ATG5: variants seen among roughly 807,000 people sequenced by gnomAD.
The protein encoded by ATG5 is autophagy protein 5.
Under a neutral mutation model 36.5 loss-of-function variants are expected in ATG5, and 14 were observed. That is an observed-to-expected ratio of 0.38 (90% CI 0.25 to 0.60). The LOEUF (loss-of-function observed/expected upper bound fraction) is 0.60, where lower values mean the gene tolerates loss of function less well. ATG5 is among the 20% of genes least tolerant of loss of function. ATG5 has a pLI of 0.60. For synonymous variants in ATG5, 95 were observed against 101.5 expected (o/e 0.94, Z 0.38); for missense variants, 195 against 326.7 (o/e 0.60, Z 3.11).
At chr6:106,204,394 A>T (rs1276706824) in intron 6 of ATG5, among the ~76,000 whole-genome samples, 2 of 152,192 alleles carry the variant, frequency 1.3e-5, no homozygotes, top group African/African-American at 2.4e-5. Flanking sequence ...TGTAATTTTT[A>T]AAAAATCTTG....
At chr6:106,286,222 T>C (rs1394739241) in intron 4 of ATG5, among the ~76,000 whole-genome samples, 1 of 152,160 alleles carries the variant, frequency 6.6e-6, no homozygotes, top group Non-Finnish European at 1.5e-5. Flanking sequence ...AGAACTCCAA[T>C]TTGTGCATCC....
intron 6 of ATG5, among the ~76,000 whole-genome samples, chr6:106,202,871 C>T (rs1776486022): frequency 6.6e-6 from 1 of 152,252 alleles, no homozygotes; most frequent in Admixed American, 6.5e-5. Context: ...CCATGTTGCC[C>T]AGGCTGGTCT....
intron 1 of ATG5, among the ~76,000 whole-genome samples, chr6:106,319,304 TTA>T (rs1227648384): frequency 6.6e-6 from 1 of 151,992 alleles, no homozygotes; most frequent in Non-Finnish European, 1.5e-5. Flanking sequence ...ATCAAAAGCA[TTA>T]TATAACATAA....
intron 1 of ATG5, among the ~76,000 whole-genome samples, chr6:106,323,526 A>G (rs1425725952): frequency 1.3e-5 from 2 of 151,986 alleles, no homozygotes; most frequent in Non-Finnish European, 2.9e-5. Flanking sequence ...AGCATGAGCC[A>G]TCACGCCCGG....
At chr6:106,220,721 T>G (rs1344042154) in intron 6 of ATG5, among the ~76,000 whole-genome samples, 1 of 152,142 alleles carries the variant, frequency 6.6e-6, no homozygotes, top group Non-Finnish European at 1.5e-5. Flanking sequence ...AGACAGGTGT[T>G]GTGTATTCTG....
chr6:106,214,272 G>A (rs993292792), intron 6 of ATG5, among the ~76,000 whole-genome samples: 3 of 152,100 alleles, frequency 2.0e-5, no homozygotes, highest in Non-Finnish European at 1.5e-5. Context: ...TGCTTTTAGA[G>A]CTTTACAGTA....
chr6:106,257,535 G>A (rs181482536), intron 5 of ATG5, among the ~76,000 whole-genome samples: 1 of 152,288 alleles, frequency 6.6e-6, no homozygotes, highest in East Asian at 1.9e-4. Context: ...ACTGTTGACT[G>A]AAACATCATA....
intron 6 of ATG5, among the ~76,000 whole-genome samples, chr6:106,226,557 A>T (rs994573365): frequency 1.3e-5 from 2 of 152,174 alleles, no homozygotes; most frequent in Non-Finnish European, 2.9e-5. Context: ...TTATCTAAAG[A>T]ACTACAGGAA....
intron 4 of ATG5, among the ~76,000 whole-genome samples, chr6:106,284,104 A>G (rs956626051): frequency 6.6e-6 from 1 of 152,180 alleles, no homozygotes; most frequent in Non-Finnish European, 1.5e-5. Context: ...CACTTTGCCT[A>G]TTATGAACAT....
intron 7 of ATG5, among the ~76,000 whole-genome samples, chr6:106,189,853 TA>T (rs997033410): frequency 1.3e-5 from 2 of 152,044 alleles, no homozygotes; most frequent in Non-Finnish European, 2.9e-5. Context: ...CTCAGGTTTT[TA>T]AAAAAAGCTA....
At chr6:106,207,872 T>C (rs1330868379) in intron 6 of ATG5, among the ~76,000 whole-genome samples, 2 of 152,110 alleles carry the variant, frequency 1.3e-5, no homozygotes, top group East Asian at 3.9e-4. Context: ...GGAGGGAGGA[T>C]CACGAGGTCG....
chr6:106,248,214 C>T lies in ATG5; in HGVS notation c.509G>A (p.Arg170Gln), dbSNP rs1180410249. 4.3e-6 allele frequency: 7 copies of T among 1,612,166 alleles called. No homozygotes were observed. The highest frequency in any genetic ancestry group is 2.2e-5 in the South Asian group (2 of 91,040). Residue 170 changes from arginine (R) to glutamine (Q), a missense_variant, in exon 6 of 8, where the codon CGG (arginine) becomes CAG (glutamine). By Grantham distance (43) the Arg-to-Gln change is conservative. Transcript: ENST00000369076. ...DRFDQFWAIN[R>Q]KLMEYPAEEN... is the part of the protein sequence containing the mutation. ...TTCTGCAGGATATTCCATGAGTTTCCGATTGATGGCCCAAAACTGGTCAAA... is the reference window on the plus strand; with the variant it reads ...TTCTGCAGGATATTCCATGAGTTTCTGATTGATGGCCCAAAACTGGTCAAA...
At chr6:106,202,583 A>G (rs1219646826) in intron 6 of ATG5, among the ~76,000 whole-genome samples, 1 of 152,236 alleles carries the variant, frequency 6.6e-6, no homozygotes, top group Non-Finnish European at 1.5e-5. Flanking sequence ...TCTTAGGTAC[A>G]ATAAGGACAA....
chr6:106,297,741 CACACACACACACACACACACACACAT>C (rs1269053898), intron 3 of ATG5, among the ~76,000 whole-genome samples: 5 of 146,748 alleles, frequency 3.4e-5, no homozygotes, highest in Admixed American at 2.9e-4. Context: ...CACACACACA[CACACACACACACACACACACACACAT>C]ATATATTTTA....
chr6:106,313,481 T>C (rs1003523084), intron 2 of ATG5, among the ~76,000 whole-genome samples: 4 of 152,280 alleles, frequency 2.6e-5, no homozygotes, highest in Middle Eastern at 3.4e-3. Flanking sequence ...AGTCACAAAA[T>C]AGCAATCCAA....
chr6:106,294,942 A>G (rs1469630847), intron 3 of ATG5, among the ~76,000 whole-genome samples: 2 of 152,106 alleles, frequency 1.3e-5, no homozygotes, highest in Middle Eastern at 3.4e-3. Context: ...TCTCTTAATA[A>G]TATCCCTTAA....
At chr6:106,211,345 G>T (rs1323781671) in intron 6 of ATG5, among the ~76,000 whole-genome samples, 1 of 152,208 alleles carries the variant, frequency 6.6e-6, no homozygotes, top group African/African-American at 2.4e-5. Flanking sequence ...ACGGATGGAG[G>T]TGCTGGGGGA....
intron 3 of ATG5, among the ~76,000 whole-genome samples, chr6:106,307,980 T>C (rs1770511245): frequency 6.6e-6 from 1 of 152,218 alleles, no homozygotes; most frequent in South Asian, 2.1e-4. Context: ...GTTTGAACAA[T>C]GCCACTTAAG....
intron 5 of ATG5, among the ~76,000 whole-genome samples, chr6:106,255,874 A>AT (rs1778780598): frequency 1.3e-5 from 2 of 152,306 alleles, no homozygotes; most frequent in Middle Eastern, 3.4e-3. Context: ...ATCTAAATGT[A>AT]TTCCTGTTAC....
Sources: allele counts gnomAD v4.1 joint callset (sites outside exome capture counted in the v4.1 genomes callset), GRCh38; gene constraint gnomAD v4.1.1; transcripts MANE v1.5; gene names NCBI Gene and HGNC (gene_info 2026-07-23, HGNC 2026-07-21).